HAUS1: variants seen among roughly 807,000 people sequenced by gnomAD.
The protein encoded by HAUS1 is HAUS augmin like complex subunit 1.
In HAUS1, 25 loss-of-function variants were observed where a neutral mutation model predicts 38.6. That is an observed-to-expected ratio of 0.65 (90% CI 0.47 to 0.91). The LOEUF is 0.91. HAUS1 is among the 40% of genes least tolerant of loss of function. The pLI is 0.00. For missense variants in HAUS1, 325 were observed against 328.4 expected, an observed-to-expected ratio of 0.99 and a Z score of 0.08; for synonymous variants, 109 against 112.9, an observed-to-expected ratio of 0.97 and a Z score of 0.22.
chr18:46,105,755 T>G (rs1167169353), intron 2 of HAUS1, among the ~76,000 whole-genome samples: 1 of 151,986 alleles, frequency 6.6e-6, no homozygotes, highest in Non-Finnish European at 1.5e-5. Context: ...CTAATTTTTG[T>G]GTTTTAGTAA....
chr18:46,118,237 T>C lies in HAUS1; in HGVS notation c.262T>C (p.Ser88Pro), dbSNP rs765934750. 6.2e-7 allele frequency: 1 copy of C among 1,612,580 alleles called. No homozygotes were observed. The change falls in exon 3 of 9, where the codon TCT (serine) becomes CCT (proline). Residue 88 changes from serine (S) to proline (P), a missense_variant. Transcript: ENST00000282058. Reference sequence around the variant, plus strand: ...TGTGAATTTTTCCCCCGCCAATCTCTCTAGCACTGGTTCCAGGTATCTGAA... The same window carrying C: ...TGTGAATTTTTCCCCCGCCAATCTCCCTAGCACTGGTTCCAGGTATCTGAA... Reference protein sequence around the residue: ...ESVNFSPANLSSTGSRYLNAL... With the variant: ...ESVNFSPANLPSTGSRYLNAL...
In HAUS1 at chr18:46,118,225, C is replaced by T. The variant is rs1055275531; in HGVS notation, c.250C>T (p.Pro84Ser). ...TCTCATGGAGAGTGTGAATTTTTCC[C>T]CCGCCAATCTCTCTAGCACTGGTTC... ...DLLMESVNFS[P>S]ANLSSTGSRY... The change falls in exon 3 of 9, where the codon CCC (proline) becomes TCC (serine). Residue 84 changes from proline to serine, a missense_variant. Transcript: ENST00000282058. The T allele has an allele frequency of 1.5e-5, 24 of 1,612,060 alleles. No individual in the cohort carries two copies. The highest frequency in any genetic ancestry group is 1.9e-5 in the Non-Finnish European group (23 of 1,179,856).
At position 46,123,336 on chromosome 18, in the gene HAUS1, C is replaced by G. The variant is rs1286527058; in HGVS notation, c.638C>G (p.Ser213Cys). The stretch of plus-strand genomic sequence containing the variant: ...GCCAGAGGCATGGATGCTTCTCTGT[C>G]TCATCAGTCCTTAGTAGCACTATCA... Reference protein sequence around the residue: ...LSARGMDASLSHQSLVALSEK... With the variant: ...LSARGMDASLCHQSLVALSEK... Residue 213 changes from serine to cysteine, a missense_variant, in exon 6 of 9, where the codon TCT (serine) becomes TGT (cysteine). Ser to Cys is a moderately radical substitution (Grantham distance 112, BLOSUM62 -1). Transcript: ENST00000282058. The G allele has an allele frequency of 6.2e-7, 1 of 1,612,368 alleles. No individual in the cohort carries two copies. Among genetic ancestry groups the G allele is most frequent in the Non-Finnish European group, 8.5e-7 (1 of 1,178,774 alleles).
At chr18:46,120,825 G>T (rs899548549) in intron 4 of HAUS1, among the ~76,000 whole-genome samples, 1 of 151,778 alleles carries the variant, frequency 6.6e-6, no homozygotes, top group African/African-American at 2.4e-5. Context: ...ACCTCAAGTG[G>T]TCCACCTGCC....
At position 46,105,241 on chromosome 18, in the gene HAUS1, G is replaced by A. The variant is rs775304425; in HGVS notation, c.78G>A (p.Gln26=). The A allele has an allele frequency of 2.1e-5, 34 of 1,613,212 alleles. No individual in the cohort carries two copies. The Admixed American group carries it at 4.2e-4, about 20-fold the overall frequency. Reference sequence around the variant, plus strand: ...TATTTGGAGATCATCCTATTCCACAGTATGAGGTGAACCCACGGACCACAG... The same window carrying A: ...TATTTGGAGATCATCCTATTCCACAATATGAGGTGAACCCACGGACCACAG... ...KKIFGDHPIP[Q]YEVNPRTTEI... Residue 26 remains glutamine, a synonymous_variant, in exon 2 of 9, where the codon CAG becomes CAA. Coordinates refer to ENST00000282058, the MANE Select transcript of HAUS1 (RefSeq NM_138443.4).
chr18:46,120,546 CTTTTACTTCATACAA>C (rs376991483), intron 4 of HAUS1, among the ~76,000 whole-genome samples: 8 of 151,326 alleles, frequency 5.3e-5, no homozygotes, highest in African/African-American at 1.9e-4. Flanking sequence ...ACTTTTTCAG[CTTTTACTTCATACAA>C]TTTTACTTCA....
At chr18:46,119,882 T>C (rs752400280) in intron 3 of HAUS1, 44 bp from the exon 4 acceptor site, 1 of 1,482,382 alleles carries the variant, frequency 6.7e-7, no homozygotes, top group Non-Finnish European at 9.0e-7. Flanking sequence ...TAATTATAAT[T>C]ATTGCCCATT....
At chr18:46,114,464 C>T (rs980454833) in intron 2 of HAUS1, among the ~76,000 whole-genome samples, 26 of 152,240 alleles carry the variant, frequency 1.7e-4, no homozygotes, top group South Asian at 1.0e-3. Context: ...AGAGGGAGTG[C>T]GGCAGCCTTA....
At chr18:46,108,557 A>C (rs2144245113) in intron 2 of HAUS1, among the ~76,000 whole-genome samples, 1 of 152,252 alleles carries the variant, frequency 6.6e-6, no homozygotes, top group South Asian at 2.1e-4. Context: ...TCTTTCTTAA[A>C]ATAGGAATTT....
At chr18:46,118,848 G>C (rs534168740) in intron 3 of HAUS1, among the ~76,000 whole-genome samples, 1 of 151,988 alleles carries the variant, frequency 6.6e-6, no homozygotes, top group South Asian at 2.1e-4. Context: ...CCATATCTTA[G>C]CTAGGACTAC....
In HAUS1 at chr18:46,106,067, A is replaced by G. The variant is rs116636172; in HGVS notation, c.205+699A>G. Among the ~76,000 whole-genome samples, 490 of 152,314 alleles carry G rather than the reference A, an allele frequency of 3.2e-3. 3 individuals are homozygous for G. The highest frequency in any genetic ancestry group is 0.011 in the African/African-American group (469 of 41,564). ...CATGATTTAGTCATACGGACCTATCAGGACACCTGAGGTGGTGGCCATGAA... is the reference window on the plus strand; with the variant it reads ...CATGATTTAGTCATACGGACCTATCGGGACACCTGAGGTGGTGGCCATGAA... On this transcript the variant is annotated intron_variant, in intron 2 of 8. Transcript: ENST00000282058.
At chr18:46,105,555 T>C in intron 2 of HAUS1, 187 bp downstream of exon 2, 1 of 153,358 alleles carries the variant, frequency 6.5e-6, no homozygotes, top group Non-Finnish European at 1.2e-5. Flanking sequence ...TATGTATGTG[T>C]GTGTGTGTGT....
chr18:46,126,253 G>A (rs1912101785), intron 8 of HAUS1, among the ~76,000 whole-genome samples: 1 of 151,910 alleles, frequency 6.6e-6, no homozygotes, highest in Non-Finnish European at 1.5e-5. Context: ...CCAGCCTGGG[G>A]GACAGAGCAA....
chr18:46,118,960 C>T (rs1261234630), intron 3 of HAUS1, among the ~76,000 whole-genome samples: 2 of 152,098 alleles, frequency 1.3e-5, no homozygotes, highest in African/African-American at 4.8e-5. Context: ...CTCCGCCTCC[C>T]GGGGTAAAGC....
chr18:46,109,184 G>A (rs181139051), intron 2 of HAUS1, among the ~76,000 whole-genome samples: 3 of 152,140 alleles, frequency 2.0e-5, no homozygotes, highest in Admixed American at 1.3e-4. Context: ...AGCAAGGCAC[G>A]TCTTACTCAC....
At chr18:46,122,734 A>T (rs761660623) in intron 5 of HAUS1, 144 bp downstream of exon 5, 3 of 842,978 alleles carry the variant, frequency 3.6e-6, no homozygotes, top group Non-Finnish European at 5.6e-6. Context: ...CATAGCTATT[A>T]CAGTAAGCAG....
intron 6 of HAUS1, 152 bp from the exon 7 acceptor site, chr18:46,124,670 T>G: frequency 1.1e-5 from 5 of 454,914 alleles, no homozygotes; most frequent in East Asian, 6.6e-5. Flanking sequence ...CCATTTGGAG[T>G]GAGTTTGTCT....
At chr18:46,114,433 G>A (rs917584039) in intron 2 of HAUS1, among the ~76,000 whole-genome samples, 3 of 152,182 alleles carry the variant, frequency 2.0e-5, no homozygotes, top group African/African-American at 7.2e-5. Flanking sequence ...CGATATGCCA[G>A]CTATAGGAAC....
intron 2 of HAUS1, among the ~76,000 whole-genome samples, chr18:46,109,113 C>T (rs369951079): frequency 1.3e-5 from 2 of 151,222 alleles, no homozygotes; most frequent in East Asian, 3.9e-4. Flanking sequence ...AATTGACTCA[C>T]AGTTCCACGT....
Sources: gnomAD v4.1 joint callset for allele counts (sites outside exome capture counted in the v4.1 genomes callset) on GRCh38, gnomAD v4.1.1 for gene constraint, MANE v1.5 for transcripts, NCBI Gene and HGNC (gene_info 2026-07-23, HGNC 2026-07-21) for gene names.